The following MYOF variants were observed in gnomAD, a reference collection of about 807,000 sequenced individuals.
MYOF encodes the protein myoferlin, also known as fer-1-like 3, myoferlin.
A neutral mutation model predicts 284.2 loss-of-function variants in MYOF; 244 were observed. The observed-to-expected ratio is 0.86, with a 90% CI of 0.77 to 0.95. The LOEUF is 0.95. Among genes scored for constraint, MYOF ranks in the 40% least tolerant of loss-of-function variants. The probability of loss-of-function intolerance (pLI) is 0.00; values close to 1 mark genes in which losing one functional copy is unlikely to be tolerated. For synonymous variants in MYOF, 904 were observed against 919.7 expected, an observed-to-expected ratio of 0.98 and a Z score of 0.31; for missense variants, 2,496 against 2,560.6, an observed-to-expected ratio of 0.97 and a Z score of 0.54.
chr10:93,393,422 T>C (rs1449949649), intron 16 of MYOF, among the ~76,000 whole-genome samples: 1 of 152,216 alleles, frequency 6.6e-6, no homozygotes, highest in African/African-American at 2.4e-5. Context: ...GGGAGGGCGA[T>C]GTTGACAGCT....
chr10:93,387,540 G>A (rs558764258), intron 19 of MYOF, among the ~76,000 whole-genome samples: 3 of 152,334 alleles, frequency 2.0e-5, no homozygotes, highest in African/African-American at 7.2e-5. Flanking sequence ...AGAAGTGGCT[G>A]TTATGGCCAC....
At chr10:93,309,783 A>C (rs762794505) in intron 53 of MYOF, among the ~76,000 whole-genome samples, 1 of 152,220 alleles carries the variant, frequency 6.6e-6, no homozygotes, top group Non-Finnish European at 1.5e-5. Flanking sequence ...AGAATTCCTG[A>C]AACCAAAGTT....
At chr10:93,470,722 C>T (rs974490929) in intron 1 of MYOF, among the ~76,000 whole-genome samples, 4 of 152,114 alleles carry the variant, frequency 2.6e-5, no homozygotes, top group Non-Finnish European at 4.4e-5. Flanking sequence ...ATTCACTGAA[C>T]GCTGGCCCCA....
At chr10:93,403,688 A>G (rs1399082001) in intron 9 of MYOF, among the ~76,000 whole-genome samples, 1 of 152,160 alleles carries the variant, frequency 6.6e-6, no homozygotes, top group East Asian at 1.9e-4. Context: ...GGCTTTGCAG[A>G]TGGAGCTTTG....
intron 15 of MYOF, 79 bp from the exon 16 acceptor site, chr10:93,396,303 C>CGAA: frequency 9.5e-7 from 1 of 1,056,956 alleles, no homozygotes; most frequent in Admixed American, 2.9e-5. Flanking sequence ...TTCATTTCAA[C>CGAA]AATTAAAAAA....
chr10:93,310,227 AG>A, intron 52 of MYOF, 60 bp from the exon 53 acceptor site: 1 of 1,568,754 alleles, frequency 6.4e-7, no homozygotes, highest in Non-Finnish European at 8.8e-7. Flanking sequence ...ATTTTATTCC[AG>A]AGCATAACAC....
At position 93,452,060 on chromosome 10, in the gene MYOF, C is replaced by A; in HGVS notation, c.226G>T (p.Gly76Ter). 6.2e-7 allele frequency: 1 copy of A among 1,610,130 alleles called. No individual in the cohort carries two copies. The highest frequency in any genetic ancestry group is 1.1e-5 in the South Asian group (1 of 90,612). ...GTGAAAACAACTTACTTATTTTGTC[C>A]AATTGTCTCAAAATCTTTCACAATA... ...GIIVKDFETIGQNKLIGTATV... is the reference protein window; with the variant it reads ...GIIVKDFETI Residue 76 changes from glycine to a stop codon, truncating the protein, a stop_gained, in exon 3 of 54, where the codon GGA (glycine) becomes TGA (stop). Coordinates refer to ENST00000359263, the MANE Select transcript of MYOF (RefSeq NM_013451.4). LOFTEE classifies it high-confidence loss of function.
chr10:93,406,287 T>TA (rs1847571356), intron 7 of MYOF, among the ~76,000 whole-genome samples: 5 of 72,622 alleles, frequency 6.9e-5, no homozygotes, highest in Admixed American at 1.8e-4. Flanking sequence ...GTAAACCTCT[T>TA]TTATATATAT....
At chr10:93,366,066 T>C (rs573993557) in intron 26 of MYOF, among the ~76,000 whole-genome samples, 1 of 152,342 alleles carries the variant, frequency 6.6e-6, no homozygotes, top group Non-Finnish European at 1.5e-5. Context: ...CGCTTGCAAG[T>C]AGGGTCAAAT....
chr10:93,329,874 T>C (rs1315963591), intron 43 of MYOF, 40 bp from the exon 44 acceptor site: 1 of 1,602,076 alleles, frequency 6.2e-7, no homozygotes, highest in Non-Finnish European at 8.5e-7. Flanking sequence ...TCATGATCCA[T>C]CTGAGTACCT....
intron 3 of MYOF, among the ~76,000 whole-genome samples, chr10:93,435,183 T>C (rs1445881545): frequency 6.6e-6 from 1 of 152,218 alleles, no homozygotes; most frequent in Non-Finnish European, 1.5e-5. Context: ...CACTTGAATA[T>C]GTACTGATTT....
intron 1 of MYOF, among the ~76,000 whole-genome samples, chr10:93,476,703 A>C (rs1175877876): frequency 6.6e-6 from 1 of 152,166 alleles, no homozygotes; most frequent in Non-Finnish European, 1.5e-5. Context: ...CCCATTTTTC[A>C]AAAGAAAAAA....
At chr10:93,468,520 A>C (rs1415014801) in intron 1 of MYOF, among the ~76,000 whole-genome samples, 1 of 152,252 alleles carries the variant, frequency 6.6e-6, no homozygotes, top group Non-Finnish European at 1.5e-5. Context: ...GATGGTATCA[A>C]GAGAAAATAA....
chr10:93,448,971 G>T (rs1185885738), intron 3 of MYOF, among the ~76,000 whole-genome samples: 1 of 150,836 alleles, frequency 6.6e-6, no homozygotes. Context: ...CTCCAGCCTG[G>T]GTGACAGAGT....
chr10:93,413,612 A>C (rs2134142137), intron 5 of MYOF, among the ~76,000 whole-genome samples: 1 of 152,318 alleles, frequency 6.6e-6, no homozygotes, highest in Middle Eastern at 3.4e-3. Flanking sequence ...GGAATCACCC[A>C]CTGAACAGGA....
At chr10:93,443,016 G>T (rs1176697255) in intron 3 of MYOF, among the ~76,000 whole-genome samples, 1 of 152,126 alleles carries the variant, frequency 6.6e-6, no homozygotes, top group Non-Finnish European at 1.5e-5. Context: ...ACATAAATTA[G>T]CTGGGCATGG....
At chr10:93,468,238 G>A (rs1422001254) in intron 1 of MYOF, among the ~76,000 whole-genome samples, 1 of 152,194 alleles carries the variant, frequency 6.6e-6, no homozygotes, top group Non-Finnish European at 1.5e-5. Flanking sequence ...CACATAATTT[G>A]CTAGAGAATG....
intron 5 of MYOF, among the ~76,000 whole-genome samples, chr10:93,412,135 G>A (rs1387159596): frequency 6.6e-6 from 1 of 152,228 alleles, no homozygotes. Context: ...GGTCCAGAAA[G>A]CTAAGGCAAC....
chr10:93,402,841 TGG>T lies in MYOF; in HGVS notation c.874+17_874+18del, dbSNP rs748966990. 3 of 1,603,276 alleles carry T rather than the reference TGG, an allele frequency of 1.9e-6. No homozygotes were observed. In the East Asian group the frequency reaches 6.7e-5, roughly 36 times the overall value. ...GAATGAATTTAAGACTTCATATTGATGGGGAGAACATTACTTACCAGGTTCAT... is the reference window on the plus strand; with the variant it reads ...GAATGAATTTAAGACTTCATATTGATGGAGAACATTACTTACCAGGTTCAT... On this transcript the variant is annotated intron_variant, in intron 10 of 53. Transcript: ENST00000359263.
Sources: allele counts gnomAD v4.1 joint callset (sites outside exome capture counted in the v4.1 genomes callset), GRCh38; gene constraint gnomAD v4.1.1; transcripts MANE v1.5; gene names NCBI Gene and HGNC (gene_info 2026-07-23, HGNC 2026-07-21).